The following ATF2 variants were observed in gnomAD, a reference collection of about 807,000 sequenced individuals.
ATF2 encodes cyclic AMP-dependent transcription factor ATF-2.
In ATF2, 24 loss-of-function variants were observed where a neutral mutation model predicts 60.6. That is an observed-to-expected ratio of 0.40 (90% CI 0.29 to 0.56). The LOEUF is 0.56. Ranked by LOEUF, ATF2 falls within the 20% of genes least tolerant of loss-of-function variation. The pLI, the probability that ATF2 is intolerant of heterozygous loss-of-function variation, is 0.54. For missense variants in ATF2, 433 were observed against 607.7 expected, an observed-to-expected ratio of 0.71 and a Z score of 3.02; for synonymous variants, 206 against 215.4, an observed-to-expected ratio of 0.96 and a Z score of 0.38.
chr2:175,167,919 C>T (rs1482604263), intron 1 of ATF2, 131 bp downstream of exon 1: 1 of 361,740 alleles, frequency 2.8e-6, no homozygotes, highest in Non-Finnish European at 5.7e-6. Context: ...CTAAGGAGCA[C>T]GTCAGGAGCA....
intron 10 of ATF2, among the ~76,000 whole-genome samples, chr2:175,101,349 C>A (rs190083566): frequency 7.9e-5 from 12 of 151,450 alleles, no homozygotes; most frequent in Middle Eastern, 3.4e-3. Flanking sequence ...CTTGGGAGGT[C>A]GCCAGTCTGC....
rs61440218 is a variant in ATF2 at position 175,094,403 on chromosome 2, G to GAAAAAAAAAAA, written c.979-1147_979-1137dup. On this transcript the variant is annotated intron_variant, in intron 11 of 13. Transcript: ENST00000264110. ...AGCGAGACTCAGTCTCAAAAAATACGAAAAAAAAAAAAAAAAAAAAAAAAA... is the reference window on the plus strand; with the variant it reads ...AGCGAGACTCAGTCTCAAAAAATACGAAAAAAAAAAAAAAAAAAAAAAAAAAAAAAAAAAAA... Among the ~76,000 whole-genome samples the GAAAAAAAAAAA allele has an allele frequency of 2.3e-3, 139 of 61,150 alleles. 1 individual carries two copies. The highest frequency in any genetic ancestry group is 8.8e-3 in the Middle Eastern group (1 of 114). 40.1% of individuals were successfully genotyped at this position (61,150 alleles called of 152,430 possible).
At chr2:175,117,418 T>C (rs930739382) in intron 7 of ATF2, among the ~76,000 whole-genome samples, 2 of 152,028 alleles carry the variant, frequency 1.3e-5, no homozygotes, top group African/African-American at 2.4e-5. Context: ...GTGTCCTGCA[T>C]GGTACTCCCA....
intron 9 of ATF2, among the ~76,000 whole-genome samples, chr2:175,112,460 A>T (rs1696265174): frequency 2.6e-5 from 4 of 152,242 alleles, no homozygotes; most frequent in Admixed American, 2.6e-4. Flanking sequence ...TTGAAAGATC[A>T]CGTGGAAGAA....
At chr2:175,127,954 A>T (rs1340053172) in intron 4 of ATF2, among the ~76,000 whole-genome samples, 1 of 152,200 alleles carries the variant, frequency 6.6e-6, no homozygotes, top group Non-Finnish European at 1.5e-5. Context: ...TATCTTGAAA[A>T]ATGAGGACTA....
chr2:175,097,417 G>A, intron 11 of ATF2, 27 bp downstream of exon 11: 1 of 1,611,732 alleles, frequency 6.2e-7, no homozygotes, highest in Non-Finnish European at 8.5e-7. Flanking sequence ...ATGACAGAGT[G>A]CTGAATAATA....
At chr2:175,153,104 G>A (rs1424770825) in intron 1 of ATF2, among the ~76,000 whole-genome samples, 3 of 151,048 alleles carry the variant, frequency 2.0e-5, no homozygotes, top group East Asian at 3.9e-4. Context: ...GTCATTTCAA[G>A]CAAAAAGAAA....
In ATF2 at chr2:175,125,297, A is replaced by C. The variant is rs28532279; in HGVS notation, c.103-3757T>G. Reference sequence around the variant, plus strand: ...TAGGAAATATTATATAAATCTAAAAACAGACCATACCATTTCTGTTCTCAG... The same window carrying C: ...TAGGAAATATTATATAAATCTAAAACCAGACCATACCATTTCTGTTCTCAG... On this transcript the variant is annotated intron_variant, in intron 4 of 13. Coordinates refer to ENST00000264110, the MANE Select transcript of ATF2 (RefSeq NM_001880.4). 2.0e-3 allele frequency among the ~76,000 whole-genome samples: 309 copies of C among 152,178 alleles called. 3 individuals are homozygous for C. The highest frequency in any genetic ancestry group is 6.7e-3 in the African/African-American group (278 of 41,560).
intron 10 of ATF2, among the ~76,000 whole-genome samples, chr2:175,109,523 T>G (rs1696022553): frequency 6.6e-6 from 1 of 152,236 alleles, no homozygotes; most frequent in Non-Finnish European, 1.5e-5. Flanking sequence ...GAAACAGTTA[T>G]TCAGGTTAAG....
At chr2:175,116,733 C>G (rs1696598177) in intron 7 of ATF2, among the ~76,000 whole-genome samples, 3 of 151,386 alleles carry the variant, frequency 2.0e-5, no homozygotes, top group African/African-American at 7.3e-5. Context: ...AAGGAATACT[C>G]CTAAAAGATG....
At chr2:175,154,156 G>C (rs1390674791) in intron 1 of ATF2, among the ~76,000 whole-genome samples, 3 of 150,932 alleles carry the variant, frequency 2.0e-5, no homozygotes, top group African/African-American at 7.3e-5. Context: ...GGCGGTTGCA[G>C]TGAGCCAAGA....
intron 1 of ATF2, among the ~76,000 whole-genome samples, chr2:175,163,536 A>G (rs1205204653): frequency 6.6e-6 from 1 of 152,204 alleles, no homozygotes; most frequent in African/African-American, 2.4e-5. Flanking sequence ...ATCTTTGTTA[A>G]GATACAGAAT....
intron 11 of ATF2, among the ~76,000 whole-genome samples, chr2:175,095,231 C>T (rs1041518238): frequency 9.2e-5 from 14 of 151,744 alleles, no homozygotes; most frequent in African/African-American, 3.4e-4. Context: ...CCGAGTAGCT[C>T]GGATTACAGG....
At chr2:175,130,809 A>T (rs1434795511) in intron 3 of ATF2, among the ~76,000 whole-genome samples, 1 of 152,172 alleles carries the variant, frequency 6.6e-6, no homozygotes, top group East Asian at 1.9e-4. Context: ...TAAAGGAGAT[A>T]AGGTAGTATT....
chr2:175,146,151 T>C (rs1344589586), intron 2 of ATF2, among the ~76,000 whole-genome samples: 1 of 152,172 alleles, frequency 6.6e-6, no homozygotes. Flanking sequence ...CTGTATCTAA[T>C]AATGAAGAGT....
chr2:175,161,255 CTT>C (rs1700010517), intron 1 of ATF2, among the ~76,000 whole-genome samples: 1 of 152,182 alleles, frequency 6.6e-6, no homozygotes, highest in Non-Finnish European at 1.5e-5. Flanking sequence ...GGAAAAATAA[CTT>C]TGTTGCCAAA....
chr2:175,116,452 G>A (rs1696576821), intron 7 of ATF2, among the ~76,000 whole-genome samples: 1 of 152,010 alleles, frequency 6.6e-6, no homozygotes, highest in Admixed American at 6.6e-5. Context: ...CTCTGATTTT[G>A]ACCTATTAAG....
chr2:175,086,809 A>G (rs1694202031), intron 12 of ATF2, among the ~76,000 whole-genome samples: 1 of 152,214 alleles, frequency 6.6e-6, no homozygotes, highest in South Asian at 2.1e-4. Flanking sequence ...AAAGATAGGC[A>G]TGATTTATTA....
intron 1 of ATF2, among the ~76,000 whole-genome samples, chr2:175,153,042 G>T (rs140631674): frequency 2.0e-4 from 31 of 152,208 alleles, no homozygotes; most frequent in African/African-American, 6.7e-4. Context: ...AGTAATTGCG[G>T]TTTTTTCCAT....
Sources: gnomAD v4.1 joint callset for allele counts (sites outside exome capture counted in the v4.1 genomes callset) on GRCh38, gnomAD v4.1.1 for gene constraint, MANE v1.5 for transcripts, NCBI Gene and HGNC (gene_info 2026-07-23, HGNC 2026-07-21) for gene names.